The following MICAL2 variants were observed in gnomAD, a reference collection of about 807,000 sequenced individuals.
MICAL2 encodes the protein microtubule associated monooxygenase, calponin and LIM domain containing 2.
A neutral mutation model predicts 127.3 loss-of-function variants in MICAL2; 77 were observed. The ratio of observed to expected loss-of-function variants is 0.60; its 90% confidence interval spans 0.50 to 0.73. The LOEUF (loss-of-function observed/expected upper bound fraction) is 0.73, where lower values mean the gene tolerates loss of function less well. MICAL2 is among the 30% of genes least tolerant of loss of function. The pLI, the probability that MICAL2 is intolerant of heterozygous loss-of-function variation, is 0.00. For missense variants in MICAL2, 1,351 were observed against 1,434.4 expected, an observed-to-expected ratio of 0.94 and a Z score of 0.94; for synonymous variants, 570 against 551.1, an observed-to-expected ratio of 1.03 and a Z score of -0.48.
chr11:12,236,744 G>A (rs913318598), intron 16 of MICAL2, among the ~76,000 whole-genome samples: 1 of 152,220 alleles, frequency 6.6e-6, no homozygotes, highest in Non-Finnish European at 1.5e-5. Context: ...TTTGTCAAAG[G>A]AGAGCCTGAA....
rs955458462 is a variant in MICAL2, at chr11:12,203,374, C to T, written c.265-876C>T. Among the ~76,000 whole-genome samples, 5 of 152,146 alleles carry T rather than the reference C, an allele frequency of 3.3e-5. No individual in the cohort carries two copies. The East Asian group carries it at 9.6e-4, about 29-fold the overall frequency. ...TCATGTATCTGCACCAATTTATTTTCCCACCAGCAATGTATGAGGGTTTCA... is the reference window on the plus strand; with the variant it reads ...TCATGTATCTGCACCAATTTATTTTTCCACCAGCAATGTATGAGGGTTTCA... On this transcript the variant is annotated intron_variant, in intron 3 of 27. Coordinates refer to ENST00000683283, the MANE Select transcript of MICAL2 (RefSeq NM_001282663.2).
intron 3 of MICAL2, among the ~76,000 whole-genome samples, chr11:12,203,965 A>G (rs1239190536): frequency 6.6e-6 from 1 of 152,232 alleles, no homozygotes; most frequent in Admixed American, 6.5e-5. Context: ...ACTTCAACCC[A>G]GTTCACTTTG....
intron 23 of MICAL2, 51 bp downstream of exon 23, chr11:12,255,801 C>T: frequency 6.8e-7 from 1 of 1,472,970 alleles, no homozygotes; most frequent in Non-Finnish European, 9.4e-7. Context: ...CTCTGGCATC[C>T]CAGGGCGGGC....
At chr11:12,159,463 T>C (rs1854538444) in intron 2 of MICAL2, among the ~76,000 whole-genome samples, 1 of 152,238 alleles carries the variant, frequency 6.6e-6, no homozygotes, top group Non-Finnish European at 1.5e-5. Context: ...AGGACCTGGC[T>C]CTGCCGTCAT....
intron 1 of MICAL2, among the ~76,000 whole-genome samples, chr11:12,118,065 T>C (rs1343659288): frequency 2.0e-5 from 3 of 152,192 alleles, no homozygotes; most frequent in African/African-American, 7.2e-5. Context: ...GAGGAAGCAC[T>C]GTGTGAAATT....
intron 9 of MICAL2, among the ~76,000 whole-genome samples, chr11:12,221,179 C>T (rs937326518): frequency 5.3e-5 from 8 of 152,230 alleles, no homozygotes; most frequent in Admixed American, 1.3e-4. Context: ...TTTCCCAGCT[C>T]GGTTTCTCCC....
intron 15 of MICAL2, 70 bp downstream of exon 15, chr11:12,227,201 C>T (rs1421400742): frequency 1.8e-6 from 2 of 1,131,806 alleles, no homozygotes; most frequent in Non-Finnish European, 2.6e-6. Context: ...CGGAGATTGT[C>T]ACATTCTCAG....
At chr11:12,340,223 C>A (rs1392708700) in intron 32 of MICAL2, among the ~76,000 whole-genome samples, 3 of 152,040 alleles carry the variant, frequency 2.0e-5, no homozygotes, top group Admixed American at 2.0e-4. Context: ...GGCAAACAAC[C>A]CAATATAAAT....
At chr11:12,262,939 A>C in intron 27 of MICAL2, 1 of 177,724 alleles carries the variant, frequency 5.6e-6, no homozygotes, top group Non-Finnish European at 1.2e-5. Context: ...CAAAAAGCTC[A>C]TACATACCAG....
At chr11:12,121,065 G>A (rs1850467348) in intron 1 of MICAL2, among the ~76,000 whole-genome samples, 2 of 152,218 alleles carry the variant, frequency 1.3e-5, no homozygotes, top group South Asian at 4.1e-4. Flanking sequence ...TTTATCAGGA[G>A]GGCAGCCCTT....
At chr11:12,165,149 A>AG (rs1297653141) in intron 3 of MICAL2, among the ~76,000 whole-genome samples, 1 of 125,538 alleles carries the variant, frequency 8.0e-6, no homozygotes, top group Non-Finnish European at 1.6e-5. Flanking sequence ...AAAAAAAAAA[A>AG]AAAAAAGAAA....
chr11:12,237,123 A>G (rs1859195601), intron 16 of MICAL2, among the ~76,000 whole-genome samples: 1 of 152,092 alleles, frequency 6.6e-6, no homozygotes, highest in African/African-American at 2.4e-5. Context: ...TAATAAATAG[A>G]GTCATGAGGT....
chr11:12,210,287 C>G (rs1326654352), intron 6 of MICAL2, among the ~76,000 whole-genome samples: 1 of 152,196 alleles, frequency 6.6e-6, no homozygotes, highest in Non-Finnish European at 1.5e-5. Context: ...CTGATCCATC[C>G]ACAGGCTGTA....
chr11:12,286,031 C>T lies in MICAL2; in HGVS notation c.255-1056C>T, dbSNP rs12270877. 1.9e-3 allele frequency among the ~76,000 whole-genome samples: 290 copies of T among 152,348 alleles called. 1 individual carries two copies. The highest frequency in any genetic ancestry group is 6.7e-3 in the African/African-American group (279 of 41,574). On this transcript the variant is annotated intron_variant, in intron 2 of 2. Transcript: ENST00000529028. ...TGCATCTGCAGGCCTTGCCTGGGAA[C>T]AGGGAACACGTGGACCCCACTGCCC...
intron 24 of MICAL2, among the ~76,000 whole-genome samples, chr11:12,270,154 C>T (rs571120551): frequency 1.4e-4 from 22 of 152,292 alleles, no homozygotes; most frequent in African/African-American, 5.3e-4. Context: ...GGACTGCCTG[C>T]CACAAGCATC....
intron 32 of MICAL2, among the ~76,000 whole-genome samples, chr11:12,344,376 A>G (rs1435610748): frequency 6.6e-6 from 1 of 151,918 alleles, no homozygotes; most frequent in Non-Finnish European, 1.5e-5. Context: ...CTCATGGAGA[A>G]TTTTGGAACC....
chr11:12,265,390 T>C (rs912593571), downstream of MICAL2, among the ~76,000 whole-genome samples: 20 of 152,354 alleles, frequency 1.3e-4, no homozygotes, highest in Non-Finnish European at 1.5e-5. Context: ...AACCATATAA[T>C]TAAATATTAA....
intron 29 of MICAL2, among the ~76,000 whole-genome samples, chr11:12,309,799 A>ACTT: frequency 6.6e-6 from 1 of 152,244 alleles, no homozygotes; most frequent in South Asian, 2.1e-4. Flanking sequence ...AACAGTGTAT[A>ACTT]AGTAAATGTT....
At chr11:12,288,255 C>T (rs1397027757), downstream of MICAL2, among the ~76,000 whole-genome samples, 1 of 152,232 alleles carries the variant, frequency 6.6e-6, no homozygotes, top group Admixed American at 6.5e-5. Flanking sequence ...CATGGGTCAT[C>T]GCCTTTACTG....
Sources: gnomAD v4.1 joint callset for allele counts (sites outside exome capture counted in the v4.1 genomes callset) on GRCh38, gnomAD v4.1.1 for gene constraint, MANE v1.5 for transcripts, NCBI Gene and HGNC (gene_info 2026-07-23, HGNC 2026-07-21) for gene names.